TPM3: variants seen among roughly 807,000 people sequenced by gnomAD.
TPM3 encodes the protein tropomyosin 3.
In TPM3, 16 loss-of-function variants were observed where a neutral mutation model predicts 43.1. The ratio of observed to expected loss-of-function variants is 0.37; its 90% CI spans 0.25 to 0.56. The LOEUF is 0.56. Ranked by LOEUF, TPM3 falls within the 20% of genes least tolerant of loss-of-function variation. The probability of loss-of-function intolerance (pLI) is 0.77; values close to 1 mark genes in which losing one functional copy is unlikely to be tolerated. For synonymous variants in TPM3, 101 were observed against 116.9 expected, an observed-to-expected ratio of 0.86 and a Z score of 0.88; for missense variants, 176 against 337.2, an observed-to-expected ratio of 0.52 and a Z score of 3.74.
intron 2 of TPM3, among the ~76,000 whole-genome samples, chr1:154,186,272 G>A (rs974449055): frequency 1.3e-5 from 2 of 151,408 alleles, no homozygotes; most frequent in South Asian, 2.1e-4. Flanking sequence ...CTCAGCAGGG[G>A]GCACTATTGT....
intron 7 of TPM3, 47 bp from the exon 8 acceptor site, chr1:154,170,516 A>G (rs1307632422): frequency 1.2e-6 from 2 of 1,609,582 alleles, no homozygotes; most frequent in Non-Finnish European, 8.5e-7. Flanking sequence ...AAGACAAAGA[A>G]GAACAATCTC....
chr1:154,159,913 C>T (rs1421504431), downstream of TPM3, among the ~76,000 whole-genome samples: 2 of 150,166 alleles, frequency 1.3e-5, no homozygotes, highest in East Asian at 1.9e-4. Context: ...CTACAACAGG[C>T]CACAGTTGCT....
At chr1:154,183,184 T>C (rs1302774918) in intron 2 of TPM3, 3 of 1,594,308 alleles carry the variant, frequency 1.9e-6, no homozygotes, top group African/African-American at 2.7e-5. Flanking sequence ...TGCAGCCTCC[T>C]CTCACCCTTA....
Position 154,165,393 on chromosome 1 carries a change from G to A in TPM3, c.*2544C>T, listed in dbSNP as rs968828245. Among the ~76,000 whole-genome samples the A allele has an allele frequency of 4.6e-5, 7 of 151,652 alleles. No individual in the cohort carries two copies. The highest frequency in any genetic ancestry group is 1.0e-4 in the Non-Finnish European group (7 of 67,900). Reference sequence around the variant, plus strand: ...AGAGCGAGACTCCATCTCAAAAAGAGAAAAATAAATAAATAATGGAATGCT... The same window carrying A: ...AGAGCGAGACTCCATCTCAAAAAGAAAAAAATAAATAAATAATGGAATGCT... On this transcript the variant is annotated 3_prime_UTR_variant, in exon 10 of 10. Coordinates refer to ENST00000651641, the MANE Select transcript of TPM3 (RefSeq NM_152263.4).
At chr1:154,187,350 A>G (rs1181016981) in intron 2 of TPM3, 1 of 984,630 alleles carries the variant, frequency 1.0e-6, no homozygotes, top group South Asian at 4.7e-5. Context: ...GAGGAAAGAA[A>G]CCTTTCTTCT....
intron 2 of TPM3, among the ~76,000 whole-genome samples, chr1:154,188,306 C>T (rs974427718): frequency 6.6e-6 from 1 of 151,672 alleles, no homozygotes; most frequent in Non-Finnish European, 1.5e-5. Context: ...TTCTCCTGCC[C>T]TGGCCTCTCA....
In TPM3 at chr1:154,162,380, A is replaced by C. The variant is rs555441370; in HGVS notation, c.*5557T>G. The stretch of plus-strand genomic sequence containing the variant: ...ACTCCGTCTCAAAAAAAAAAAAAAA[A>C]AAAAACACAAACCAACCCCATGGAG... On this transcript the variant is annotated 3_prime_UTR_variant, in exon 10 of 10. Coordinates refer to ENST00000651641, the MANE Select transcript of TPM3 (RefSeq NM_152263.4). Among the ~76,000 whole-genome samples the C allele has an allele frequency of 2.0e-5, 3 of 151,722 alleles. No individual in the cohort carries two copies. Among genetic ancestry groups the C allele is most frequent in the South Asian group, 2.1e-4 (1 of 4,796 alleles).
At position 154,165,789 on chromosome 1, in the gene TPM3, CAAAAAAA is replaced by C. The variant is rs68185418; in HGVS notation, c.*2141_*2147del. Among the ~76,000 whole-genome samples, 11 of 82,230 alleles carry C rather than the reference CAAAAAAA, an allele frequency of 1.3e-4. No individual in the cohort carries two copies. The highest frequency in any genetic ancestry group is 3.0e-4 in the African/African-American group (7 of 23,228). 53.9% of individuals were successfully genotyped at this position (82,230 alleles called of 152,430 possible). A position where few individuals can be genotyped will look rare whatever the true frequency, so the allele number is the denominator to read the frequency against. On this transcript the variant is annotated 3_prime_UTR_variant, in exon 10 of 10. Coordinates refer to ENST00000651641, the MANE Select transcript of TPM3 (RefSeq NM_152263.4). Reference sequence around the variant, plus strand: ...AGGTGACAAGAGTCAAACTCCGTCTCAAAAAAAAAAAAAAAAAGAAAAAAAGAAAAAA... The same window carrying C: ...AGGTGACAAGAGTCAAACTCCGTCTCAAAAAAAAAAGAAAAAAAGAAAAAA...
chr1:154,186,054 A>G (rs1663400466), intron 2 of TPM3, among the ~76,000 whole-genome samples: 1 of 151,634 alleles, frequency 6.6e-6, no homozygotes, highest in Non-Finnish European at 1.5e-5. Flanking sequence ...CCGAGCAATG[A>G]GACTATTCAG....
intron 9 of TPM3, among the ~76,000 whole-genome samples, chr1:154,168,838 CT>C (rs745516100): frequency 0.012 from 1,707 of 138,360 alleles, 18 homozygotes; most frequent in Middle Eastern, 0.033. Flanking sequence ...TAATGTTTTT[CT>C]TTTTTTTTTT....
chr1:154,178,118 C>A (rs371040856), intron 2 of TPM3: 11 of 985,274 alleles, frequency 1.1e-5, no homozygotes, highest in South Asian at 4.7e-5. Context: ...ACTTACCCCC[C>A]TCAGACGAAA....
Position 154,171,490 on chromosome 1 carries a change from T to C in TPM3, c.567-2A>G. ...TCCTCCTCCAGCTCAGAACACTTAC[T>C]GTGAATATTTTAAATACCACAGGAG... On this transcript the variant is annotated splice_acceptor_variant, in intron 5 of 9. Coordinates refer to ENST00000651641, the MANE Select transcript of TPM3 (RefSeq NM_152263.4). LOFTEE classifies it high-confidence loss of function. The C allele has an allele frequency of 6.2e-7, 1 of 1,614,034 alleles. No individual in the cohort carries two copies. The highest frequency in any genetic ancestry group is 8.5e-7 in the Non-Finnish European group (1 of 1,179,972).
chr1:154,183,527 C>T (rs1471518283), intron 2 of TPM3: 1 of 376,334 alleles, frequency 2.7e-6, no homozygotes, highest in African/African-American at 2.1e-5. Context: ...TGACCCCTCA[C>T]TCCCGCAATG....
downstream of TPM3, among the ~76,000 whole-genome samples, chr1:154,161,247 T>C (rs1254441713): frequency 6.6e-6 from 1 of 151,606 alleles, no homozygotes; most frequent in Non-Finnish European, 1.5e-5. Context: ...AGGCCTGAGA[T>C]TGGACCTGTC....
chr1:154,192,030 G>T lies in TPM3; in HGVS notation c.-12C>A, dbSNP rs767049807. The T allele has an allele frequency of 1.9e-6, 3 of 1,607,746 alleles. No homozygotes were observed. Among genetic ancestry groups the T allele is most frequent in the Non-Finnish European group, 2.6e-6 (3 of 1,175,018 alleles). ...ATGGCCTCCATCATGAGCAGTGGCTGTTGGTAGGCTCACCTGTGAACACTG... is the reference window on the plus strand; with the variant it reads ...ATGGCCTCCATCATGAGCAGTGGCTTTTGGTAGGCTCACCTGTGAACACTG... On this transcript the variant is annotated 5_prime_UTR_variant, in exon 1 of 10. Transcript: ENST00000651641.
At chr1:154,183,512 G>A (rs28366030) in intron 2 of TPM3, 5 of 388,724 alleles carry the variant, frequency 1.3e-5, no homozygotes, top group Non-Finnish European at 2.5e-5. Flanking sequence ...TTACACTCCC[G>A]CAATTGACCC....
At chr1:154,182,809 C>T (rs555594153) in intron 2 of TPM3, among the ~76,000 whole-genome samples, 117 of 152,226 alleles carry the variant, frequency 7.7e-4, no homozygotes, top group African/African-American at 2.4e-3. Flanking sequence ...AGCACTGTTT[C>T]CCCCTCGTCC....
chr1:154,171,434 A>G lies in TPM3; in HGVS notation c.621T>C (p.Ser207=). The stretch of plus-strand genomic sequence containing the variant: ...CTACCTTCTCCGCCTGAGCCTCAAG[A>G]GACTTGAGGTTGTTGGTGACATTCT... The part of the protein sequence containing the change: ...ELKNVTNNLK[S]LEAQAEKYSQ... The change falls in exon 6 of 10, where the codon TCT becomes TCC. Residue 207 remains serine (S), a synonymous_variant. Transcript: ENST00000651641. The G allele has an allele frequency of 6.2e-7, 1 of 1,614,150 alleles. No individual in the cohort carries two copies.
chr1:154,161,131 T>TAAAAAAAAAAAAAAAAA (rs953940037), downstream of TPM3, among the ~76,000 whole-genome samples: 1 of 85,102 alleles, frequency 1.2e-5, no homozygotes, highest in Non-Finnish European at 2.4e-5. Flanking sequence ...ATGCAAATAT[T>TAAAAAAAAAAAAAAAAA]AAAAAAAAAA....
Sources: allele counts gnomAD v4.1 joint callset (sites outside exome capture counted in the v4.1 genomes callset), GRCh38; gene constraint gnomAD v4.1.1; transcripts MANE v1.5; gene names NCBI Gene and HGNC (gene_info 2026-07-23, HGNC 2026-07-21).